The following HYOU1 variants were observed in gnomAD, a reference collection of about 807,000 sequenced individuals.
HYOU1 encodes hypoxia up-regulated 1, also known as hypoxia up-regulated protein 1.
HYOU1 carries 40 observed loss-of-function variants against 120.5 expected under a neutral mutation model. That is an observed-to-expected ratio of 0.33 (90% CI 0.26 to 0.43). The LOEUF is 0.43. Ranked by LOEUF, HYOU1 falls within the 20% of genes least tolerant of loss-of-function variation. HYOU1 has a pLI of 1.00. For missense variants in HYOU1, 1,085 were observed against 1,278.3 expected, an observed-to-expected ratio of 0.85 and a Z score of 2.31; for synonymous variants, 501 against 479.4, an observed-to-expected ratio of 1.05 and a Z score of -0.59.
chr11:119,047,835 A>C lies in HYOU1; in HGVS notation c.2511-17T>G. The C allele has an allele frequency of 6.2e-7, 1 of 1,613,732 alleles. No homozygotes were observed. The highest frequency in any genetic ancestry group is 8.5e-7 in the Non-Finnish European group (1 of 1,179,810). ...CGGGCCCCCCTGGAAGCCAGAAAGGAGACCATTAGCCCCAGAGGGAGAGGG... is the reference window on the plus strand; with the variant it reads ...CGGGCCCCCCTGGAAGCCAGAAAGGCGACCATTAGCCCCAGAGGGAGAGGG... On this transcript the variant is annotated splice_polypyrimidine_tract_variant and intron_variant, in intron 21 of 25. Transcript: ENST00000617285.
Position 119,048,955 on chromosome 11 carries a change from C to G in HYOU1, c.1992+63G>C. The G allele has an allele frequency of 6.2e-7, 1 of 1,610,640 alleles. No individual in the cohort carries two copies. On this transcript the variant is annotated intron_variant, in intron 17 of 25. Coordinates refer to ENST00000617285, the MANE Select transcript of HYOU1 (RefSeq NM_006389.5). This position sits in a 1 kb window ranked among gnomAD's most constrained non-coding sequence, Gnocchi z 4.7. ...CCTACATTCTCCACAAGGCCAGAAACAAGGCAGGCGCCTGCTCCCTTAGCC... is the reference window on the plus strand; with the variant it reads ...CCTACATTCTCCACAAGGCCAGAAAGAAGGCAGGCGCCTGCTCCCTTAGCC...
chr11:119,045,444 C>T lies in HYOU1; in HGVS notation c.*149G>A. Reference sequence around the variant, plus strand: ...GAAGGAACCAGTGAGCTGTCCCTCCCTTCCCCTTCTCCACACCTCCAAATC... The same window carrying T: ...GAAGGAACCAGTGAGCTGTCCCTCCTTTCCCCTTCTCCACACCTCCAAATC... On this transcript the variant is annotated 3_prime_UTR_variant, in exon 26 of 26. Transcript: ENST00000617285. The T allele has an allele frequency of 2.6e-6, 2 of 779,704 alleles. No individual in the cohort carries two copies. The highest frequency in any genetic ancestry group is 1.4e-5 in the South Asian group (1 of 72,500). 48.3% of individuals were successfully genotyped at this position (779,704 alleles called of 1,614,324 possible).
At position 119,051,234 on chromosome 11, in the gene HYOU1, C is replaced by T; in HGVS notation, c.1527-61G>A. 1.2e-6 allele frequency: 2 copies of T among 1,600,244 alleles called. No homozygotes were observed. The highest frequency in any genetic ancestry group is 2.2e-5 in the South Asian group (2 of 89,392). ...ACCCCAGCCCATCTCGCCCTCTAGA[C>T]TACATGGCCTCCTGGCACAAGGTGT... On this transcript the variant is annotated intron_variant, in intron 13 of 25. Coordinates refer to ENST00000617285, the MANE Select transcript of HYOU1 (RefSeq NM_006389.5). This position sits in a 1 kb window ranked among gnomAD's most constrained non-coding sequence, Gnocchi z 4.2.
chr11:119,051,607 C>T lies in HYOU1; in HGVS notation c.1357G>A (p.Val453Met). The change falls in exon 13 of 26, where the codon GTG (valine) becomes ATG (methionine). Residue 453 changes from valine (V) to methionine (M), a missense_variant. This residue lies in a region of HYOU1 where 515 missense variants were observed against 677.8 expected (regional missense o/e 0.76). Coordinates refer to ENST00000617285, the MANE Select transcript of HYOU1 (RefSeq NM_006389.5). This position sits in a 1 kb window ranked among gnomAD's most constrained non-coding sequence, Gnocchi z 4.2. ...YPILVEFTRE[V>M]EEEPGIHSLK... ...CTGTGAATCCCAGGCTCCTCCTCCA[C>T]CTCCCTCGTGAACTCCACCTACACA... The T allele has an allele frequency of 6.2e-7, 1 of 1,614,064 alleles. No homozygotes were observed. The highest frequency in any genetic ancestry group is 8.5e-7 in the Non-Finnish European group (1 of 1,180,008).
At chr11:119,046,330 TGTCTAGAAACAGGCTGTGCCTGC>T in intron 24 of HYOU1, 64 bp downstream of exon 24, 1 of 1,151,980 alleles carries the variant, frequency 8.7e-7, no homozygotes, top group South Asian at 1.3e-5. Context: ...GCTCATGGGC[TGTCTAGAAACAGGCTGTGCCTGC>T]CAGTTTGCCT....
At chr11:119,049,315 A>C in intron 16 of HYOU1, 112 bp from the exon 17 acceptor site, 2 of 1,564,734 alleles carry the variant, frequency 1.3e-6, no homozygotes, top group Non-Finnish European at 1.7e-6. Context: ...TGCTGTATGG[A>C]AACGGTCAAT....
rs2133587543 is a variant in HYOU1 at position 119,051,740 on chromosome 11, A to C, written c.1338+79T>G. 9 of 1,602,288 alleles carry C rather than the reference A, an allele frequency of 5.6e-6. No homozygotes were observed. The Admixed American group carries it at 1.0e-4, about 18-fold the overall frequency. On this transcript the variant is annotated intron_variant, in intron 12 of 25. Coordinates refer to ENST00000617285, the MANE Select transcript of HYOU1 (RefSeq NM_006389.5). This position sits in a 1 kb window ranked among gnomAD's most constrained non-coding sequence, Gnocchi z 4.2. ...CTCTTAGCAGAAAGACAAAGGGATG[A>C]GCCAGAGCAGACAGAAGGGGAAACC...
rs2133584830 is a variant in HYOU1 at position 119,051,422 on chromosome 11, C to T, written c.1526+16G>A. On this transcript the variant is annotated intron_variant, in intron 13 of 25. Transcript: ENST00000617285. This position sits in a 1 kb window ranked among gnomAD's most constrained non-coding sequence, Gnocchi z 4.2. Reference sequence around the variant, plus strand: ...CCCCCTCCCTGGAGCTCCCATCCTACACCCCTGCCCCTCACCGAAGATCTT... The same window carrying T: ...CCCCCTCCCTGGAGCTCCCATCCTATACCCCTGCCCCTCACCGAAGATCTT... The T allele has an allele frequency of 3.3e-5, 53 of 1,613,128 alleles. No individual in the cohort carries two copies. The highest frequency in any genetic ancestry group is 1.7e-4 in the Middle Eastern group (1 of 6,056).
chr11:119,048,105 G>C lies in HYOU1; in HGVS notation c.2377-25C>G, dbSNP rs2133561052. The C allele has an allele frequency of 1.4e-5, 22 of 1,613,656 alleles. No homozygotes were observed. The highest frequency in any genetic ancestry group is 1.8e-4 in the Middle Eastern group (1 of 5,602). On this transcript the variant is annotated intron_variant, in intron 20 of 25. Coordinates refer to ENST00000617285, the MANE Select transcript of HYOU1 (RefSeq NM_006389.5). The surrounding 1 kb of genome is among the most constrained non-coding windows in gnomAD (Gnocchi z 4.7). ...TCTGATGGATGTGCGATTGGGCAGA[G>C]GGGTGGAAGGGACGACAGCAGAGCC...
Position 119,056,018 on chromosome 11 carries a change from T to C in HYOU1, c.91+52A>G, listed in dbSNP as rs371606905. The C allele has an allele frequency of 2.2e-5, 34 of 1,517,048 alleles. No individual in the cohort carries two copies. In the African/African-American group the frequency reaches 4.1e-4, roughly 18 times the overall value. The allele number at this position is 1,517,048 out of a possible 1,614,324, so 94.0% of individuals were successfully genotyped here. A position where few individuals can be genotyped will look rare whatever the true frequency, so the allele number is the denominator to read the frequency against. On this transcript the variant is annotated intron_variant, in intron 2 of 25. Coordinates refer to ENST00000617285, the MANE Select transcript of HYOU1 (RefSeq NM_006389.5). ...ACAGCCCCAAGCTCAATTCCCATCA[T>C]GCATCCTTCAGTCATCATTTATCCA...
rs1305878330 is a variant in HYOU1 at position 119,049,094 on chromosome 11, G to C, written c.1916C>G (p.Pro639Arg). The change falls in exon 17 of 26, where the codon CCT becomes CGT. Residue 639 changes from proline to arginine, a missense_variant. Physicochemically the swap from Pro to Arg is moderately radical, Grantham distance 103. Coordinates refer to ENST00000617285, the MANE Select transcript of HYOU1 (RefSeq NM_006389.5). ...AGGGGTTGCATCTCCCTTAGGTTCA[G>C]GGGGTGGGGGCTGAGAGCCATCCTC... Reference protein sequence around the residue: ...PVEDGSQPPPPEPKGDATPEG... With the variant: ...PVEDGSQPPPREPKGDATPEG... 6.2e-7 allele frequency: 1 copy of C among 1,614,090 alleles called. No individual in the cohort carries two copies. The highest frequency in any genetic ancestry group is 8.5e-7 in the Non-Finnish European group (1 of 1,179,994).
Position 119,047,752 on chromosome 11 carries a change from T to G in HYOU1, c.2577A>C (p.Lys859Asn). ...TGATTACCCAGGTCTCATTGATGAC[T>G]TTCTCTAACGTTGTCATCTCCACCT... The part of the protein sequence containing the change: ...FTEVEMTTLE[K>N]VINETWAWKN... Residue 859 changes from lysine (K) to asparagine (N), a missense_variant, in exon 22 of 26, where the codon AAA becomes AAC. Coordinates refer to ENST00000617285, the MANE Select transcript of HYOU1 (RefSeq NM_006389.5). The G allele has an allele frequency of 6.2e-7, 1 of 1,613,896 alleles. No homozygotes were observed. Among genetic ancestry groups the G allele is most frequent in the African/African-American group, 1.3e-5 (1 of 75,052 alleles).
At position 119,054,558 on chromosome 11, in the gene HYOU1, T is replaced by C; in HGVS notation, c.614A>G (p.Asp205Gly). 6.2e-7 allele frequency: 1 copy of C among 1,614,114 alleles called. No individual in the cohort carries two copies. Among genetic ancestry groups the C allele is most frequent in the Non-Finnish European group, 8.5e-7 (1 of 1,180,018 alleles). ...ATAGCTGAGGGCAGTGGCGGTGTTG[T>C]CATTGATGAGCTGCAGCACTTTGAG... ...AGLKVLQLINDNTATALSYGV... is the reference protein window; with the variant it reads ...AGLKVLQLINGNTATALSYGV... Residue 205 changes from aspartate to glycine, a missense_variant, in exon 7 of 26, where the codon GAC becomes GGC. Coordinates refer to ENST00000617285, the MANE Select transcript of HYOU1 (RefSeq NM_006389.5).
At position 119,055,437 on chromosome 11, in the gene HYOU1, G is replaced by T; in HGVS notation, c.264+56C>A. 6.2e-7 allele frequency: 1 copy of T among 1,604,244 alleles called. No homozygotes were observed. The highest frequency in any genetic ancestry group is 8.5e-7 in the Non-Finnish European group (1 of 1,171,418). The stretch of plus-strand genomic sequence containing the variant: ...GACTGATAAGGAAACAGACTCTGGG[G>T]GCTGCCATCTCCTCTCCTCTGCCCA... On this transcript the variant is annotated intron_variant, in intron 4 of 25. Transcript: ENST00000617285. This position sits in a 1 kb window ranked among gnomAD's most constrained non-coding sequence, Gnocchi z 4.0.
At position 119,051,323 on chromosome 11, in the gene HYOU1, G is replaced by C; in HGVS notation, c.1526+115C>G. On this transcript the variant is annotated intron_variant, in intron 13 of 25. Transcript: ENST00000617285. The surrounding 1 kb of genome is among the most constrained non-coding windows in gnomAD (Gnocchi z 4.2). Reference sequence around the variant, plus strand: ...GCATTCTCCAGCGAAGCTGATCATAGCTGCCCTGTTTCAGCCCCGCAGGCC... The same window carrying C: ...GCATTCTCCAGCGAAGCTGATCATACCTGCCCTGTTTCAGCCCCGCAGGCC... The C allele has an allele frequency of 6.7e-7, 1 of 1,487,996 alleles. No homozygotes were observed. The highest frequency in any genetic ancestry group is 9.2e-7 in the Non-Finnish European group (1 of 1,084,994). The allele number at this position is 1,487,996 out of a possible 1,614,324, so 92.2% of individuals were successfully genotyped here.
In HYOU1 at chr11:119,051,719, TAGC is replaced by T; in HGVS notation, c.1338+97_1339-95del. The T allele has an allele frequency of 6.3e-7, 1 of 1,596,114 alleles. No individual in the cohort carries two copies. The highest frequency in any genetic ancestry group is 8.6e-7 in the Non-Finnish European group (1 of 1,166,570). Reference sequence around the variant, plus strand: ...TGGGGGTGGGATGGGGGAGACCTCTTAGCAGAAAGACAAAGGGATGAGCCAGAG... The same window carrying T: ...TGGGGGTGGGATGGGGGAGACCTCTTAGAAAGACAAAGGGATGAGCCAGAG... On this transcript the variant is annotated intron_variant, in intron 12 of 25. Coordinates refer to ENST00000617285, the MANE Select transcript of HYOU1 (RefSeq NM_006389.5). The surrounding 1 kb of genome is among the most constrained non-coding windows in gnomAD (Gnocchi z 4.2).
Position 119,052,244 on chromosome 11 carries a change from T to C in HYOU1, c.1122+51A>G. ...GACTCGTCCCTTGACGTCCCATGGG[T>C]TTCCTATGCCCTTTCCTACGGGGCA... On this transcript the variant is annotated intron_variant, in intron 10 of 25. Transcript: ENST00000617285. The surrounding 1 kb of genome is among the most constrained non-coding windows in gnomAD (Gnocchi z 5.0). 1 of 1,613,884 alleles carries C rather than the reference T, an allele frequency of 6.2e-7. No individual in the cohort carries two copies. The highest frequency in any genetic ancestry group is 1.6e-4 in the Middle Eastern group (1 of 6,062).
In HYOU1 at chr11:119,052,002, G is replaced by C; in HGVS notation, c.1206-51C>G. On this transcript the variant is annotated intron_variant, in intron 11 of 25. Coordinates refer to ENST00000617285, the MANE Select transcript of HYOU1 (RefSeq NM_006389.5). This position sits in a 1 kb window ranked among gnomAD's most constrained non-coding sequence, Gnocchi z 5.0. ...GGTCTACCCTGGAGCATGCAACCGGGACTTCCCTCCCCTCAGCCCTCCAGC... is the reference window on the plus strand; with the variant it reads ...GGTCTACCCTGGAGCATGCAACCGGCACTTCCCTCCCCTCAGCCCTCCAGC... 6.2e-7 allele frequency: 1 copy of C among 1,613,234 alleles called. No individual in the cohort carries two copies. Among genetic ancestry groups the C allele is most frequent in the Non-Finnish European group, 8.5e-7 (1 of 1,179,302 alleles).
At position 119,051,690 on chromosome 11, in the gene HYOU1, AGGATGGGGGTG is replaced by A. The variant is rs1344875855; in HGVS notation, c.1339-76_1339-66del. 1.2e-5 allele frequency: 19 copies of A among 1,559,976 alleles called. No homozygotes were observed. The highest frequency in any genetic ancestry group is 3.4e-5 in the Admixed American group (2 of 59,520). ...GAGAACCCGAGTAGGTTCTGGGGTA[AGGATGGGGGTG>A]GGATGGGGGAGACCTCTTAGCAGAA... is the stretch of plus-strand genomic sequence containing the variant. On this transcript the variant is annotated intron_variant, in intron 12 of 25. Coordinates refer to ENST00000617285, the MANE Select transcript of HYOU1 (RefSeq NM_006389.5). The surrounding 1 kb of genome is among the most constrained non-coding windows in gnomAD (Gnocchi z 4.2).
Sources: allele counts gnomAD v4.1 joint callset, GRCh38; gene constraint gnomAD v4.1.1; regional missense constraint gnomAD v4.1.1; non-coding constraint Gnocchi (gnomAD v3.1); transcripts MANE v1.5; gene names NCBI Gene and HGNC (gene_info 2026-07-23, HGNC 2026-07-21).